HMCN1: variants seen among roughly 807,000 people sequenced by gnomAD.
HMCN1 encodes hemicentin-1.
HMCN1 carries 321 observed loss-of-function variants against 625.9 expected under a neutral mutation model. The observed-to-expected ratio is 0.51, with a 90% confidence interval of 0.47 to 0.56. HMCN1 has a LOEUF of 0.56. Ranked by LOEUF, HMCN1 falls within the 20% of genes least tolerant of loss-of-function variation. The pLI is 0.00. For synonymous variants in HMCN1, 2,425 were observed against 2,417.6 expected (o/e 1.00, Z -0.09); for missense variants, 6,588 against 6,887.3 (o/e 0.96, Z 1.54).
intron 29 of HMCN1, among the ~76,000 whole-genome samples, chr1:186,005,213 G>T: frequency 8.0e-6 from 1 of 125,002 alleles, no homozygotes; most frequent in African/African-American, 2.9e-5. Context: ...GTTTATAAAT[G>T]TTTATAAACA....
rs189703559 is a variant in HMCN1 at position 185,954,343 on chromosome 1, T to G, written c.1829-8175T>G. The stretch of plus-strand genomic sequence containing the variant: ...GTCTCCATATTAGAGTACTTAGGTT[T>G]CGTTGTGAGAACTCAAGTAAGAAAA... On this transcript the variant is annotated intron_variant, in intron 11 of 106. Coordinates refer to ENST00000271588, the MANE Select transcript of HMCN1 (RefSeq NM_031935.3). Among the ~76,000 whole-genome samples, 4 of 152,322 alleles carry G rather than the reference T, an allele frequency of 2.6e-5. No homozygotes were observed. In the East Asian group the frequency reaches 7.7e-4, roughly 29 times the overall value.
chr1:186,116,980 A>C lies in HMCN1; in HGVS notation c.11562-14A>C. 1 of 1,612,308 alleles carries C rather than the reference A, an allele frequency of 6.2e-7. No homozygotes were observed. Among genetic ancestry groups the C allele is most frequent in the Non-Finnish European group, 8.5e-7 (1 of 1,178,778 alleles). On this transcript the variant is annotated splice_polypyrimidine_tract_variant and intron_variant, in intron 75 of 106. Transcript: ENST00000271588. Reference sequence around the variant, plus strand: ...CTACATATAGTATCTCATGCTTTGAAATGTGTCTTCTAGGCTCCTTTCTTC... The same window carrying C: ...CTACATATAGTATCTCATGCTTTGACATGTGTCTTCTAGGCTCCTTTCTTC...
intron 1 of HMCN1, among the ~76,000 whole-genome samples, chr1:185,814,794 C>T (rs1659744470): frequency 2.7e-5 from 4 of 149,354 alleles, no homozygotes; most frequent in South Asian, 4.2e-4. Flanking sequence ...TGGGTTCAAG[C>T]GATTCTCCTG....
In HMCN1 at chr1:185,993,225, C is replaced by T. The variant is rs757779094; in HGVS notation, c.3421C>T (p.Arg1141Cys). Residue 1141 changes from arginine to cysteine, a missense_variant, in exon 23 of 107, where the codon CGC becomes TGC. Arg to Cys is a radical substitution (Grantham distance 180). Around this residue, in one of 3 missense-constraint regions of HMCN1, gnomAD observed 4,628 missense variants for 4,853.1 expected, o/e 0.95. Coordinates refer to ENST00000271588, the MANE Select transcript of HMCN1 (RefSeq NM_031935.3). ...TGGTTCAATGAAGATCACTGAAACC[C>T]GCACTTCAGATAGTGGGATGTATCT... is the stretch of plus-strand genomic sequence containing the variant. ...PSGSMKITET[R>C]TSDSGMYLCV... 25 of 1,612,566 alleles carry T rather than the reference C, an allele frequency of 1.6e-5. No homozygotes were observed. The highest frequency in any genetic ancestry group is 1.2e-4 in the South Asian group (11 of 91,058).
At chr1:186,101,260 ATTAGGAC>A (rs1339519344) in intron 68 of HMCN1, among the ~76,000 whole-genome samples, 1 of 152,144 alleles carries the variant, frequency 6.6e-6, no homozygotes, top group Non-Finnish European at 1.5e-5. Flanking sequence ...CAGTGGAAGT[ATTAGGAC>A]TTGGTTGTAG....
At chr1:185,820,381 C>T (rs1470843304) in intron 1 of HMCN1, among the ~76,000 whole-genome samples, 2 of 152,146 alleles carry the variant, frequency 1.3e-5, no homozygotes, top group East Asian at 3.9e-4. Flanking sequence ...CATTTTATTA[C>T]CTAAGGCGTT....
chr1:185,829,284 T>C (rs1660707970), intron 1 of HMCN1, among the ~76,000 whole-genome samples: 1 of 151,964 alleles, frequency 6.6e-6, no homozygotes, highest in Admixed American at 6.6e-5. Flanking sequence ...GTTTCATTTT[T>C]TTTTTCTAAA....
intron 36 of HMCN1, among the ~76,000 whole-genome samples, chr1:186,028,915 C>T (rs776633560): frequency 3.1e-4 from 47 of 151,696 alleles, no homozygotes; most frequent in Middle Eastern, 3.4e-3. Context: ...TTAGTAGAGA[C>T]GGGGTTTCAC....
At chr1:185,816,704 A>G (rs1237083816) in intron 1 of HMCN1, among the ~76,000 whole-genome samples, 2 of 152,166 alleles carry the variant, frequency 1.3e-5, no homozygotes, top group Non-Finnish European at 2.9e-5. Flanking sequence ...GCATTTAAGT[A>G]CATCTTGTTT....
At position 185,958,882 on chromosome 1, in the gene HMCN1, G is replaced by A. The variant is rs1177931210; in HGVS notation, c.1829-3636G>A. Among the ~76,000 whole-genome samples the A allele has an allele frequency of 4.6e-5, 7 of 152,218 alleles. No homozygotes were observed. In the East Asian group the frequency reaches 9.7e-4, roughly 21 times the overall value. On this transcript the variant is annotated intron_variant, in intron 11 of 106. Transcript: ENST00000271588. The stretch of plus-strand genomic sequence containing the variant: ...ATGGTGGGTCTAGAGTTAGATACCC[G>A]GCATGTAATAGGCACTGACGGAAGG...
chr1:186,187,216 G>A (rs1653384836), intron 105 of HMCN1, among the ~76,000 whole-genome samples: 1 of 90,150 alleles, frequency 1.1e-5, no homozygotes, highest in African/African-American at 5.6e-5. Context: ...TTAGCCTAAG[G>A]AGAGCATCCC....
In HMCN1 at chr1:185,734,967, C is replaced by T; in HGVS notation, c.188C>T (p.Ala63Val). The T allele has an allele frequency of 6.2e-7, 1 of 1,614,088 alleles. No homozygotes were observed. The highest frequency in any genetic ancestry group is 8.5e-7 in the Non-Finnish European group (1 of 1,179,992). The change falls in exon 1 of 107, where the codon GCT becomes GTT. Residue 63 changes from alanine (A) to valine (V), a missense_variant. Physicochemically the swap from Ala to Val is moderately conservative, Grantham distance 64 (BLOSUM62 0). This residue lies in a region of HMCN1 where 4,628 missense variants were observed against 4,853.1 expected (regional missense o/e 0.95). Coordinates refer to ENST00000271588, the MANE Select transcript of HMCN1 (RefSeq NM_031935.3). ...YDDLVQVIEGASKILETSLKR... is the reference protein window; with the variant it reads ...YDDLVQVIEGVSKILETSLKR... Reference sequence around the variant, plus strand: ...GATTTAGTTCAGGTGATTGAAGGGGCTTCCAAAATTTTGGAGACGTCTTTG... The same window carrying T: ...GATTTAGTTCAGGTGATTGAAGGGGTTTCCAAAATTTTGGAGACGTCTTTG...
chr1:185,842,745 C>A (rs1661561299), intron 1 of HMCN1, among the ~76,000 whole-genome samples: 1 of 150,884 alleles, frequency 6.6e-6, no homozygotes, highest in African/African-American at 2.4e-5. Flanking sequence ...AAAAAAAAAA[C>A]TTTAAAAATA....
intron 4 of HMCN1, among the ~76,000 whole-genome samples, chr1:185,878,202 T>A (rs1165382844): frequency 6.6e-6 from 1 of 152,174 alleles, no homozygotes; most frequent in Non-Finnish European, 1.5e-5. Flanking sequence ...CAGACGTAAT[T>A]TCACTTCTTT....
intron 1 of HMCN1, among the ~76,000 whole-genome samples, chr1:185,763,489 G>A (rs759893958): frequency 6.6e-6 from 1 of 152,144 alleles, no homozygotes; most frequent in Non-Finnish European, 1.5e-5. Context: ...CTGCAAGATG[G>A]TTCCTTATAT....
intron 1 of HMCN1, among the ~76,000 whole-genome samples, chr1:185,806,400 G>T (rs1659170378): frequency 6.6e-6 from 1 of 151,916 alleles, no homozygotes; most frequent in Non-Finnish European, 1.5e-5. Context: ...AGCAACAAAT[G>T]CTGGACTTGG....
Position 185,912,200 on chromosome 1 carries a change from A to G in HMCN1, c.900+420A>G, listed in dbSNP as rs569718523. On this transcript the variant is annotated intron_variant, in intron 6 of 106. Coordinates refer to ENST00000271588, the MANE Select transcript of HMCN1 (RefSeq NM_031935.3). ...CCTGGGGAGCAGAACTTCTCTGTGCATGGCTTTCCTTCTCTGTCATGTGGA... is the reference window on the plus strand; with the variant it reads ...CCTGGGGAGCAGAACTTCTCTGTGCGTGGCTTTCCTTCTCTGTCATGTGGA... Among the ~76,000 whole-genome samples the G allele has an allele frequency of 1.1e-4, 16 of 152,270 alleles. No individual in the cohort carries two copies. In the South Asian group the frequency reaches 1.2e-3, roughly 12 times the overall value.
rs555104976 is a variant in HMCN1 at position 186,134,481 on chromosome 1, A to T, written c.13312+2072A>T. ...GAGAGAAATAAAAGCACTGGCCCTG[A>T]AAGTTTCTAGAGTGAGGTTAATATA... is the stretch of plus-strand genomic sequence containing the variant. On this transcript the variant is annotated intron_variant, in intron 86 of 106. Coordinates refer to ENST00000271588, the MANE Select transcript of HMCN1 (RefSeq NM_031935.3). Among the ~76,000 whole-genome samples, 3 of 152,170 alleles carry T rather than the reference A, an allele frequency of 2.0e-5. No homozygotes were observed. In the South Asian group the frequency reaches 6.2e-4, roughly 32 times the overall value.
At chr1:186,008,296 A>C (rs1381871947) in intron 30 of HMCN1, among the ~76,000 whole-genome samples, 1 of 152,144 alleles carries the variant, frequency 6.6e-6, no homozygotes, top group Admixed American at 6.6e-5. Context: ...GCTATTGAGC[A>C]CTTGAAATGT....
Sources: allele counts gnomAD v4.1 joint callset (sites outside exome capture counted in the v4.1 genomes callset), GRCh38; gene constraint gnomAD v4.1.1; regional missense constraint gnomAD v4.1.1; transcripts MANE v1.5; gene names NCBI Gene and HGNC (gene_info 2026-07-23, HGNC 2026-07-21).